DCUN1D2: variants seen among roughly 807,000 people sequenced by gnomAD.
DCUN1D2 encodes the protein defective in cullin neddylation 1 domain containing 2, also known as DCN1-like protein 2.
DCUN1D2 carries 29 observed loss-of-function variants against 30.9 expected under a neutral mutation model. The ratio of observed to expected loss-of-function variants is 0.94; its 90% CI spans 0.70 to 1.28. The LOEUF (loss-of-function observed/expected upper bound fraction) is 1.28, where lower values mean the gene tolerates loss of function less well. DCUN1D2 is among the 50% of genes most tolerant of loss of function. DCUN1D2 has a pLI of 0.00. For synonymous variants in DCUN1D2, 121 were observed against 115.3 expected (o/e 1.05, Z -0.32); for missense variants, 325 against 316.9 (o/e 1.03, Z -0.19).
chr13:113,461,621 G>A (rs916031632), intron 4 of DCUN1D2, among the ~76,000 whole-genome samples: 2 of 152,288 alleles, frequency 1.3e-5, no homozygotes, highest in East Asian at 1.9e-4. Flanking sequence ...TAATTACAGC[G>A]GCCTTATGAG....
In DCUN1D2 at chr13:113,457,778, A is replaced by G; in HGVS notation, c.*251T>C. The G allele has an allele frequency of 2.2e-6, 1 of 446,676 alleles. No individual in the cohort carries two copies. Among genetic ancestry groups the G allele is most frequent in the East Asian group, 3.6e-5 (1 of 28,124 alleles). 27.7% of individuals were successfully genotyped at this position (446,676 alleles called of 1,614,324 possible). On this transcript the variant is annotated 3_prime_UTR_variant, in exon 7 of 7. Transcript: ENST00000478244. ...TTTTGTAAATATTAAAAAATCATGCAGAAATTTCCTAACGCAAAAGCTATG... is the reference window on the plus strand; with the variant it reads ...TTTTGTAAATATTAAAAAATCATGCGGAAATTTCCTAACGCAAAAGCTATG...
intron 4 of DCUN1D2, among the ~76,000 whole-genome samples, chr13:113,461,409 C>T (rs1229119758): frequency 2.6e-5 from 4 of 152,186 alleles, no homozygotes; most frequent in Non-Finnish European, 4.4e-5. Flanking sequence ...TGGAGACTTG[C>T]CTTTTCACAC....
intron 3 of DCUN1D2, chr13:113,478,943 C>A (rs1373632776): frequency 6.6e-6 from 1 of 151,952 alleles, no homozygotes; most frequent in Non-Finnish European, 1.5e-5. Context: ...TAGTCCCCCA[C>A]TACCACAAAT....
chr13:113,459,237 C>T, intron 6 of DCUN1D2, 75 bp downstream of exon 6: 6 of 825,434 alleles, frequency 7.3e-6, no homozygotes, highest in South Asian at 5.5e-5. Flanking sequence ...GGGGTCACCA[C>T]TCTAGAGGCA....
At chr13:113,467,452 A>G (rs989478014) in intron 4 of DCUN1D2, among the ~76,000 whole-genome samples, 7 of 151,154 alleles carry the variant, frequency 4.6e-5, no homozygotes, top group Non-Finnish European at 8.8e-5. Flanking sequence ...TTTTTTACCT[A>G]TTGTTTTCAG....
At chr13:113,463,767 GACAC>G (rs2044356935) in intron 4 of DCUN1D2, among the ~76,000 whole-genome samples, 1 of 137,316 alleles carries the variant, frequency 7.3e-6, no homozygotes, top group Non-Finnish European at 1.6e-5. Context: ...AAGAGACACA[GACAC>G]ACACAGACAC....
intron 4 of DCUN1D2, among the ~76,000 whole-genome samples, chr13:113,473,447 A>G (rs1420269338): frequency 6.6e-6 from 1 of 152,246 alleles, no homozygotes; most frequent in East Asian, 1.9e-4. Context: ...AATGGTCCAT[A>G]CAAATGGAGT....
In DCUN1D2 at chr13:113,462,184, G is replaced by A. The variant is rs188650262; in HGVS notation, c.521-1048C>T. On this transcript the variant is annotated intron_variant, in intron 4 of 6. Coordinates refer to ENST00000478244, the MANE Select transcript of DCUN1D2 (RefSeq NM_001014283.2). ...GGAGAATCACTTGAACCTGGGAGGC[G>A]GAGGTTGTGGTGAGCCGAGATTGCG... 4.9e-3 allele frequency among the ~76,000 whole-genome samples: 749 copies of A among 151,722 alleles called. 38 individuals carry two copies. The East Asian group carries it at 0.12, about 24-fold the overall frequency.
rs138963325 is a variant in DCUN1D2, at chr13:113,465,423, G to T, written c.521-4287C>A. Among the ~76,000 whole-genome samples the T allele has an allele frequency of 4.0e-4, 61 of 151,784 alleles. 1 individual carries two copies. Among genetic ancestry groups the T allele is most frequent in the African/African-American group, 1.4e-3 (57 of 41,390 alleles). ...TCAGACCTGAAATGGCCGAATTTTA[G>T]AAAAGTGTGAGAAGCAGCATTTCCT... On this transcript the variant is annotated intron_variant, in intron 4 of 6. Coordinates refer to ENST00000478244, the MANE Select transcript of DCUN1D2 (RefSeq NM_001014283.2).
chr13:113,462,023 C>T (rs111270172), intron 4 of DCUN1D2, among the ~76,000 whole-genome samples: 55 of 152,110 alleles, frequency 3.6e-4, no homozygotes, highest in African/African-American at 7.9e-4. Context: ...GAGGCTGAGG[C>T]GGGTGGATCA....
intron 4 of DCUN1D2, among the ~76,000 whole-genome samples, chr13:113,472,392 C>G (rs77248920): frequency 6.6e-6 from 1 of 152,318 alleles, no homozygotes; most frequent in African/African-American, 2.4e-5. Context: ...TAAAAGAAAT[C>G]AGGGCTTCTT....
In DCUN1D2 at chr13:113,490,521, G is replaced by A; in HGVS notation, c.3+146C>T. ...CCACCGCTCCGGCTCGCGGGCCCGC[G>A]GCGCGTTCCTCCCTCGGATCCACGC... On this transcript the variant is annotated intron_variant, in intron 1 of 6. Transcript: ENST00000478244. The surrounding 1 kb of genome is among the most constrained non-coding windows in gnomAD (Gnocchi z 5.2). 1.1e-6 allele frequency: 1 copy of A among 881,160 alleles called. No individual in the cohort carries two copies. The highest frequency in any genetic ancestry group is 1.5e-6 in the Non-Finnish European group (1 of 668,348). 54.6% of individuals were successfully genotyped at this position (881,160 alleles called of 1,614,324 possible). A position where few individuals can be genotyped will look rare whatever the true frequency, so the allele number is the denominator to read the frequency against.
rs183729325 is a variant in DCUN1D2 at position 113,481,621 on chromosome 13, C to T, written c.221-878G>A. Among the ~76,000 whole-genome samples the T allele has an allele frequency of 6.7e-3, 1,013 of 152,316 alleles. 10 individuals are homozygous for T. Among genetic ancestry groups the T allele is most frequent in the African/African-American group, 0.023 (965 of 41,570 alleles). ...ATTGGTGGCTGGGCACGGTGGCTCA[C>T]GCCTATAATCCCAGCACTTTGGGAG... On this transcript the variant is annotated intron_variant, in intron 2 of 6. Coordinates refer to ENST00000478244, the MANE Select transcript of DCUN1D2 (RefSeq NM_001014283.2).
chr13:113,481,926 C>T (rs537000479), intron 2 of DCUN1D2, among the ~76,000 whole-genome samples: 10 of 151,250 alleles, frequency 6.6e-5, no homozygotes, highest in Non-Finnish European at 1.3e-4. Context: ...ATCCTTCTAA[C>T]TCTATTCTCT....
intron 2 of DCUN1D2, 102 bp from the exon 3 acceptor site, chr13:113,480,845 G>A: frequency 8.0e-7 from 1 of 1,251,890 alleles, no homozygotes; most frequent in Non-Finnish European, 1.1e-6. Context: ...CATAGTTCTA[G>A]CAAGCGTGTT....
chr13:113,480,221 C>G (rs564356741), intron 3 of DCUN1D2, among the ~76,000 whole-genome samples: 1 of 151,942 alleles, frequency 6.6e-6, no homozygotes, highest in Non-Finnish European at 1.5e-5. Flanking sequence ...TTTAACAGAG[C>G]AGCATAAGAA....
intron 3 of DCUN1D2, 144 bp downstream of exon 3, chr13:113,480,431 G>A (rs990478330): frequency 5.2e-5 from 34 of 650,770 alleles, no homozygotes; most frequent in Non-Finnish European, 7.6e-5. Context: ...GCTTGATAGT[G>A]CGGAGAGTAC....
chr13:113,480,678 C>G lies in DCUN1D2; in HGVS notation c.286G>C (p.Asp96His). 1 of 1,614,156 alleles carries G rather than the reference C, an allele frequency of 6.2e-7. No homozygotes were observed. The highest frequency in any genetic ancestry group is 1.1e-5 in the South Asian group (1 of 91,082). ...IQQFCDDLSL[D>H]PASISVLVIA... ...ACCAATACACTGATACTGGCAGGAT[C>G]CAGGCTCAGATCATCACAAAACTGT... The change falls in exon 3 of 7, where the codon GAT (aspartate) becomes CAT (histidine). Residue 96 changes from aspartate to histidine, a missense_variant. By Grantham distance (81) the Asp-to-His change is moderately conservative. Coordinates refer to ENST00000478244, the MANE Select transcript of DCUN1D2 (RefSeq NM_001014283.2).
chr13:113,489,726 C>T (rs1235748530), intron 1 of DCUN1D2, among the ~76,000 whole-genome samples: 1 of 152,056 alleles, frequency 6.6e-6, no homozygotes, highest in African/African-American at 2.4e-5. Flanking sequence ...GTTTCTTCTG[C>T]CTGGAGCCGC....
Sources: gnomAD v4.1 joint callset for allele counts (sites outside exome capture counted in the v4.1 genomes callset) on GRCh38, gnomAD v4.1.1 for gene constraint, Gnocchi (gnomAD v3.1) non-coding constraint, MANE v1.5 for transcripts, NCBI Gene and HGNC (gene_info 2026-07-23, HGNC 2026-07-21) for gene names.